Variants in SOX5 observed in about 807,000 individuals in gnomAD.
SOX5 encodes the protein SRY-box transcription factor 5, also known as transcription factor SOX-5.
Under a neutral mutation model 92.0 loss-of-function variants are expected in SOX5, and 9 were observed. That is an observed-to-expected ratio of 0.10 (90% CI 0.06 to 0.17). The LOEUF is 0.17. Ranked by LOEUF, SOX5 falls within the 10% of genes least tolerant of loss-of-function variation. The pLI is 1.00. For synonymous variants in SOX5, 344 were observed against 336.3 expected, an observed-to-expected ratio of 1.02 and a Z score of -0.25; for missense variants, 642 against 944.5, an observed-to-expected ratio of 0.68 and a Z score of 4.20.
chr12:24,081,312 TTGAC>T (rs1943304347), intron 4 of SOX5, among the ~76,000 whole-genome samples: 2 of 151,996 alleles, frequency 1.3e-5, no homozygotes, highest in Admixed American at 1.3e-4. Flanking sequence ...TTAAATATGT[TTGAC>T]TGCTATCTCT....
At chr12:24,117,664 G>A (rs75109227) in intron 4 of SOX5, among the ~76,000 whole-genome samples, 3,867 of 152,136 alleles carry the variant, frequency 0.025, 155 homozygotes, top group African/African-American at 0.089. Flanking sequence ...TGTCATTCAC[G>A]ACCACATGAA....
chr12:24,171,288 A>G (rs932200972), intron 4 of SOX5, among the ~76,000 whole-genome samples: 5 of 137,530 alleles, frequency 3.6e-5, no homozygotes, highest in African/African-American at 8.4e-5. Flanking sequence ...CAGTGGCCCA[A>G]TCTTGGCTCA....
chr12:24,385,501 G>A (rs1227728144), intron 1 of SOX5, among the ~76,000 whole-genome samples: 2 of 152,064 alleles, frequency 1.3e-5, no homozygotes, highest in Middle Eastern at 3.2e-3. Context: ...TCTGATACAC[G>A]ACTAGAGTTA....
intron 4 of SOX5, among the ~76,000 whole-genome samples, chr12:24,096,280 T>C (rs1945405381): frequency 6.6e-6 from 1 of 152,170 alleles, no homozygotes; most frequent in Non-Finnish European, 1.5e-5. Context: ...CCCCAAACTT[T>C]TAATTCTTAC....
At chr12:24,186,441 T>G (rs1179538025) in intron 4 of SOX5, among the ~76,000 whole-genome samples, 2 of 152,126 alleles carry the variant, frequency 1.3e-5, no homozygotes, top group East Asian at 3.8e-4. Context: ...ATTTGATAGT[T>G]CACTCAACAC....
intron 1 of SOX5, among the ~76,000 whole-genome samples, chr12:24,440,620 G>C (rs915398992): frequency 3.3e-5 from 5 of 149,686 alleles, no homozygotes; most frequent in Non-Finnish European, 7.5e-5. Context: ...GTGTGTGTGT[G>C]TGTGTGTGTG....
intron 6 of SOX5, among the ~76,000 whole-genome samples, chr12:23,680,123 C>CT: frequency 6.6e-6 from 1 of 151,518 alleles, no homozygotes; most frequent in South Asian, 2.1e-4. Flanking sequence ...CTCAGGAGTT[C>CT]TAGAGCAGCC....
chr12:23,987,781 A>G, intron 4 of SOX5, among the ~76,000 whole-genome samples: 1 of 152,216 alleles, frequency 6.6e-6, no homozygotes, highest in South Asian at 2.1e-4. Context: ...CGACAGAGCT[A>G]GACCCTGCCT....
chr12:23,729,296 T>C (rs2093298378), intron 6 of SOX5, among the ~76,000 whole-genome samples: 1 of 152,170 alleles, frequency 6.6e-6, no homozygotes, highest in African/African-American at 2.4e-5. Context: ...ACGGCAGATA[T>C]CAGATGTGAA....
At chr12:24,037,460 A>G (rs1956151379) in intron 4 of SOX5, among the ~76,000 whole-genome samples, 1 of 152,172 alleles carries the variant, frequency 6.6e-6, no homozygotes, top group African/African-American at 2.4e-5. Flanking sequence ...ATGTATAGAT[A>G]AAACAAACAG....
At chr12:23,936,236 G>A (rs192730399) in intron 1 of SOX5, among the ~76,000 whole-genome samples, 13 of 151,070 alleles carry the variant, frequency 8.6e-5, no homozygotes, top group Non-Finnish European at 1.6e-4. Flanking sequence ...TACAAAAGCT[G>A]AAGGTATTCT....
chr12:24,061,071 C>T (rs977067591), intron 4 of SOX5, among the ~76,000 whole-genome samples: 1 of 152,066 alleles, frequency 6.6e-6, no homozygotes, highest in African/African-American at 2.4e-5. Flanking sequence ...CAAGGTAATA[C>T]CTGCAATTAG....
At chr12:23,991,463 CTCA>C (rs1439803821) in intron 4 of SOX5, among the ~76,000 whole-genome samples, 7 of 151,532 alleles carry the variant, frequency 4.6e-5, no homozygotes, top group Non-Finnish European at 8.8e-5. Context: ...CACAAATAAC[CTCA>C]TGTCAGATTA....
intron 1 of SOX5, among the ~76,000 whole-genome samples, chr12:24,406,762 TA>T (rs145542409): frequency 0.017 from 2,543 of 152,300 alleles, 67 homozygotes; most frequent in African/African-American, 0.053. Context: ...ACTTGTGAAG[TA>T]TGGAGTCTGC....
At chr12:24,341,251 A>C (rs1402815098) in intron 2 of SOX5, among the ~76,000 whole-genome samples, 2 of 152,188 alleles carry the variant, frequency 1.3e-5, no homozygotes, top group African/African-American at 4.8e-5. Context: ...CTGAGGCAGG[A>C]GGATCACTTG....
intron 2 of SOX5, among the ~76,000 whole-genome samples, chr12:23,862,302 C>G (rs1233852385): frequency 1.3e-5 from 2 of 152,106 alleles, no homozygotes; most frequent in African/African-American, 4.8e-5. Flanking sequence ...GGCCCCATGT[C>G]TCTGGTACTG....
At chr12:23,753,298 C>G (rs10771025) in intron 4 of SOX5, among the ~76,000 whole-genome samples, 108,948 of 151,556 alleles carry the variant, frequency 0.72, 39,463 homozygotes, top group East Asian at 0.81. Context: ...ACAGAGCTCA[C>G]TTCTCACTTG....
intron 1 of SOX5, among the ~76,000 whole-genome samples, chr12:23,945,649 G>A (rs897922168): frequency 2.0e-5 from 3 of 152,118 alleles, no homozygotes; most frequent in Admixed American, 6.6e-5. Flanking sequence ...CTACAATGTA[G>A]TAGTAAATAA....
intron 9 of SOX5, among the ~76,000 whole-genome samples, chr12:23,577,191 A>ATT (rs1175798388): frequency 3.3e-4 from 20 of 61,398 alleles, no homozygotes; most frequent in South Asian, 6.1e-4. Context: ...ATATATATAT[A>ATT]TTTTTTTTTT....
Sources: gnomAD v4.1 joint callset for allele counts (sites outside exome capture counted in the v4.1 genomes callset) on GRCh38, gnomAD v4.1.1 for gene constraint, MANE v1.5 for transcripts, NCBI Gene and HGNC (gene_info 2026-07-23, HGNC 2026-07-21) for gene names.